SLC13A3: variants seen among roughly 807,000 people sequenced by gnomAD.
SLC13A3 encodes Na(+)/dicarboxylate cotransporter 3.
A neutral mutation model predicts 59.0 loss-of-function variants in SLC13A3; 40 were observed. The observed-to-expected ratio is 0.68, with a 90% CI of 0.53 to 0.88. The LOEUF is 0.88. Among genes scored for constraint, SLC13A3 ranks in the 40% least tolerant of loss-of-function variants. The pLI, the probability that SLC13A3 is intolerant of heterozygous loss-of-function variation, is 0.00. For missense variants in SLC13A3, 699 were observed against 783.2 expected (o/e 0.89, Z 1.28); for synonymous variants, 317 against 330.3 (o/e 0.96, Z 0.44).
intron 1 of SLC13A3, among the ~76,000 whole-genome samples, chr20:46,627,078 A>G (rs544785194): frequency 2.0e-5 from 3 of 152,088 alleles, no homozygotes; most frequent in African/African-American, 7.2e-5. Context: ...TTCACTTATT[A>G]TCTCTCTCTC....
intron 4 of SLC13A3, 73 bp downstream of exon 4, chr20:46,599,898 C>T (rs1047283659): frequency 2.5e-6 from 3 of 1,194,040 alleles, no homozygotes; most frequent in South Asian, 1.6e-5. Context: ...AAATGGTTTG[C>T]AGCATTGAAT....
intron 1 of SLC13A3, among the ~76,000 whole-genome samples, chr20:46,676,524 G>A (rs935102838): frequency 6.6e-6 from 1 of 151,014 alleles, no homozygotes; most frequent in Non-Finnish European, 1.5e-5. Context: ...CAAATTGTTA[G>A]GATTACAGGC....
upstream of SLC13A3, among the ~76,000 whole-genome samples, chr20:46,671,049 G>T (rs2063088420): frequency 2.0e-5 from 3 of 152,164 alleles, no homozygotes; most frequent in African/African-American, 7.2e-5. Flanking sequence ...TGCTATGAAT[G>T]TTGGAATGCA....
chr20:46,633,619 G>A (rs2062765941), intron 1 of SLC13A3, among the ~76,000 whole-genome samples: 1 of 152,178 alleles, frequency 6.6e-6, no homozygotes, highest in Non-Finnish European at 1.5e-5. Flanking sequence ...ACTGCTATCT[G>A]AGATAGCTAC....
At chr20:46,642,321 A>T (rs1375062991) in intron 1 of SLC13A3, among the ~76,000 whole-genome samples, 5 of 152,208 alleles carry the variant, frequency 3.3e-5, no homozygotes, top group Non-Finnish European at 7.4e-5. Context: ...GTGTCATTTT[A>T]AATTCTACTC....
intron 1 of SLC13A3, among the ~76,000 whole-genome samples, chr20:46,663,436 C>A (rs1315781152): frequency 6.8e-6 from 1 of 146,890 alleles, no homozygotes; most frequent in Non-Finnish European, 1.5e-5. Flanking sequence ...CAGATCGAGA[C>A]CCTGTTTCAA....
chr20:46,659,725 A>ACCC (rs2063017292), intron 1 of SLC13A3, among the ~76,000 whole-genome samples: 1 of 142,078 alleles, frequency 7.0e-6, no homozygotes, highest in African/African-American at 2.8e-5. Context: ...CCCCCCCCCA[A>ACCC]AAAAAAAAAG....
chr20:46,669,359 A>G (rs2063078536), intron 1 of SLC13A3, among the ~76,000 whole-genome samples: 1 of 151,898 alleles, frequency 6.6e-6, no homozygotes, highest in Admixed American at 6.6e-5. Context: ...CATACCATTG[A>G]CTGAGCACTT....
intron 4 of SLC13A3, among the ~76,000 whole-genome samples, chr20:46,598,930 G>A (rs555571618): frequency 7.2e-5 from 11 of 152,234 alleles, no homozygotes; most frequent in Admixed American, 5.9e-4. Context: ...CACACGCTGA[G>A]AACACTCTTC....
intron 1 of SLC13A3, among the ~76,000 whole-genome samples, chr20:46,617,612 G>A (rs2062572250): frequency 1.7e-5 from 1 of 60,542 alleles, no homozygotes; most frequent in Non-Finnish European, 2.9e-5. Context: ...GTGTGTGCGT[G>A]TGTGTGTGTG....
chr20:46,575,747 AG>A, intron 9 of SLC13A3, 62 bp from the exon 10 acceptor site: 1 of 972,674 alleles, frequency 1.0e-6, no homozygotes, highest in Non-Finnish European at 1.5e-6. Context: ...AGAGGCCACC[AG>A]CCCTGAGCCC....
intron 1 of SLC13A3, among the ~76,000 whole-genome samples, chr20:46,621,408 C>T (rs1259731094): frequency 2.0e-5 from 3 of 152,182 alleles, no homozygotes; most frequent in African/African-American, 7.2e-5. Context: ...ATGGCATTGA[C>T]ATGATTAAGT....
upstream of SLC13A3, among the ~76,000 whole-genome samples, chr20:46,670,411 T>A (rs2063084517): frequency 6.6e-6 from 1 of 152,200 alleles, no homozygotes; most frequent in Admixed American, 6.5e-5. Flanking sequence ...TTCACACCCT[T>A]GTGTAGTCCC....
At chr20:46,629,984 G>A (rs980665302) in intron 1 of SLC13A3, among the ~76,000 whole-genome samples, 3 of 151,996 alleles carry the variant, frequency 2.0e-5, no homozygotes, top group Non-Finnish European at 2.9e-5. Flanking sequence ...ACAGAATTGC[G>A]GTCATTCTTT....
chr20:46,652,396 TTC>T (rs992993786), upstream of SLC13A3, among the ~76,000 whole-genome samples: 1 of 152,114 alleles, frequency 6.6e-6, no homozygotes, highest in African/African-American at 2.4e-5. Context: ...GGGTTTTTTT[TTC>T]TTTTTTTTGA....
chr20:46,634,500 C>T (rs1423672521), intron 1 of SLC13A3, among the ~76,000 whole-genome samples: 1 of 152,192 alleles, frequency 6.6e-6, no homozygotes, highest in Non-Finnish European at 1.5e-5. Flanking sequence ...GGGCAGCAAA[C>T]CTGCCCCAGG....
In SLC13A3 at chr20:46,648,535, T is replaced by C. The variant is rs1211858265; in HGVS notation, c.111+2776A>G. On this transcript the variant is annotated intron_variant, in intron 1 of 12. Coordinates refer to ENST00000279027, the MANE Select transcript of SLC13A3 (RefSeq NM_022829.6). Reference sequence around the variant, plus strand: ...AGAGGCAGTGACATCTAGAGCCATATAAAGGGTCCCCACAAGGGAACTGTA... The same window carrying C: ...AGAGGCAGTGACATCTAGAGCCATACAAAGGGTCCCCACAAGGGAACTGTA... Among the ~76,000 whole-genome samples the C allele has an allele frequency of 2.0e-5, 3 of 152,138 alleles. No homozygotes were observed. In the East Asian group the frequency reaches 5.8e-4, roughly 30 times the overall value.
chr20:46,673,042 A>G (rs571791179), upstream of SLC13A3, among the ~76,000 whole-genome samples: 2 of 152,284 alleles, frequency 1.3e-5, no homozygotes, highest in African/African-American at 4.8e-5. Context: ...CAAGCAGCAG[A>G]TGTTTAACAC....
At chr20:46,629,336 T>A (rs183094305) in intron 1 of SLC13A3, among the ~76,000 whole-genome samples, 1 of 152,338 alleles carries the variant, frequency 6.6e-6, no homozygotes, top group Middle Eastern at 3.4e-3. Context: ...TAAGGTTTTT[T>A]AATTAAGCTT....
Sources: gnomAD v4.1 joint callset for allele counts (sites outside exome capture counted in the v4.1 genomes callset) on GRCh38, gnomAD v4.1.1 for gene constraint, MANE v1.5 for transcripts, NCBI Gene and HGNC (gene_info 2026-07-23, HGNC 2026-07-21) for gene names.